SYCP1: variants seen among roughly 807,000 people sequenced by gnomAD.
SYCP1 encodes synaptonemal complex protein 1.
In SYCP1, 64 loss-of-function variants were observed where a neutral mutation model predicts 153.1. That is an observed-to-expected ratio of 0.42 (90% CI 0.34 to 0.51). The LOEUF (loss-of-function observed/expected upper bound fraction) is 0.51, where lower values mean the gene tolerates loss of function less well. Ranked by LOEUF, SYCP1 falls within the 20% of genes least tolerant of loss-of-function variation. The probability of loss-of-function intolerance (pLI) is 0.06; values close to 1 mark genes in which losing one functional copy is unlikely to be tolerated. For missense variants in SYCP1, 997 were observed against 1,049.0 expected (o/e 0.95, Z 0.68); for synonymous variants, 384 against 341.8 (o/e 1.12, Z -1.36).
At chr1:114,977,758 T>A in intron 28 of SYCP1, 142 bp downstream of exon 28, 1 of 557,902 alleles carries the variant, frequency 1.8e-6, no homozygotes, top group South Asian at 3.2e-5. Context: ...TTCTTGCTAT[T>A]TATTAATTCA....
Position 114,885,528 on chromosome 1 carries a change from C to G in SYCP1, c.911-7C>G. The stretch of plus-strand genomic sequence containing the variant: ...AAGTACTATCTATTTATAACTTTCT[C>G]TTTTAGAATTACAGAGTGAAAACTT... On this transcript the variant is annotated splice_polypyrimidine_tract_variant and splice_region_variant and intron_variant, in intron 12 of 31. Coordinates refer to ENST00000369522, the MANE Select transcript of SYCP1 (RefSeq NM_003176.4). The G allele has an allele frequency of 6.7e-7, 1 of 1,499,770 alleles. No homozygotes were observed. Among genetic ancestry groups the G allele is most frequent in the Non-Finnish European group, 9.2e-7 (1 of 1,092,364 alleles). The allele number at this position is 1,499,770 out of a possible 1,614,324, so 92.9% of individuals were successfully genotyped here.
intron 27 of SYCP1, among the ~76,000 whole-genome samples, chr1:114,948,491 T>C (rs1247219922): frequency 1.3e-5 from 2 of 152,226 alleles, no homozygotes; most frequent in Non-Finnish European, 2.9e-5. Context: ...TTCAAGCCTC[T>C]GAGAATTTGT....
chr1:114,910,523 T>G, intron 17 of SYCP1, 22 bp downstream of exon 17: 4 of 1,399,450 alleles, frequency 2.9e-6, no homozygotes, highest in Admixed American at 4.8e-5. Context: ...GAAACATTTT[T>G]ATTTTAAATA....
intron 23 of SYCP1, among the ~76,000 whole-genome samples, chr1:114,938,707 T>C (rs1670191358): frequency 6.6e-6 from 1 of 152,056 alleles, no homozygotes; most frequent in African/African-American, 2.4e-5. Flanking sequence ...GTAGGATTCA[T>C]CCATAAATTC....
intron 15 of SYCP1, 87 bp downstream of exon 15, chr1:114,887,780 C>A: frequency 1.2e-6 from 1 of 858,018 alleles, no homozygotes; most frequent in Non-Finnish European, 1.7e-6. Context: ...AATATAATTT[C>A]CCCTCTGTCA....
chr1:114,940,677 T>G (rs1670328708), intron 23 of SYCP1, among the ~76,000 whole-genome samples: 1 of 152,218 alleles, frequency 6.6e-6, no homozygotes, highest in African/African-American at 2.4e-5. Flanking sequence ...GATATTTGCC[T>G]GATGGCCCAA....
intron 16 of SYCP1, among the ~76,000 whole-genome samples, chr1:114,897,235 T>G (rs1430068078): frequency 6.6e-6 from 1 of 152,190 alleles, no homozygotes; most frequent in East Asian, 1.9e-4. Context: ...AAAACAGCAG[T>G]CAGATCTCCC....
chr1:114,872,406 CAGAT>C (rs1176640794), intron 8 of SYCP1, among the ~76,000 whole-genome samples: 1 of 152,134 alleles, frequency 6.6e-6, no homozygotes, highest in African/African-American at 2.4e-5. Flanking sequence ...GAGGAGGAGT[CAGAT>C]AGAATCTTTC....
chr1:114,920,384 G>A (rs951251447), intron 20 of SYCP1, among the ~76,000 whole-genome samples: 1 of 152,076 alleles, frequency 6.6e-6, no homozygotes, highest in African/African-American at 2.4e-5. Flanking sequence ...TTTAAGACTT[G>A]TTTTGTGGCT....
chr1:114,967,243 C>T (rs1252247587), intron 27 of SYCP1, among the ~76,000 whole-genome samples: 2 of 152,130 alleles, frequency 1.3e-5, no homozygotes, highest in Admixed American at 1.3e-4. Flanking sequence ...AATTTTCTGT[C>T]TCATTCTTCT....
At chr1:114,909,287 G>C (rs998553647) in intron 16 of SYCP1, among the ~76,000 whole-genome samples, 2 of 151,920 alleles carry the variant, frequency 1.3e-5, no homozygotes, top group African/African-American at 4.8e-5. Flanking sequence ...GGTTTCTATT[G>C]TAGTTTTAGC....
In SYCP1 at chr1:114,995,002, G is replaced by C; in HGVS notation, c.2914G>C (p.Glu972Gln). Residue 972 changes from glutamate to glutamine, a missense_variant, in exon 32 of 32, where the codon GAA (glutamate) becomes CAA (glutamine). By Grantham distance (29) the Glu-to-Gln change is conservative. Around this residue, in one of 2 missense-constraint regions of SYCP1, gnomAD observed 712 missense variants for 682.9 expected, o/e 1.04. Transcript: ENST00000369522. ...MDRKKKLKEA[E>Q]KLFV ...TAGAAAAAAAAAACTAAAAGAAGCTGAAAAGTTATTTGTTTAATTTCAGAG... is the reference window on the plus strand; with the variant it reads ...TAGAAAAAAAAAACTAAAAGAAGCTCAAAAGTTATTTGTTTAATTTCAGAG... The C allele has an allele frequency of 6.3e-7, 1 of 1,599,254 alleles. No individual in the cohort carries two copies. Among genetic ancestry groups the C allele is most frequent in the South Asian group, 1.1e-5 (1 of 88,808 alleles).
chr1:114,856,563 G>C lies in SYCP1; in HGVS notation c.109-10G>C. Reference sequence around the variant, plus strand: ...AAACAGAATATTTAAGAACTTCTTTGTGTCTCTAGAGTTTCAACAAATGTA... The same window carrying C: ...AAACAGAATATTTAAGAACTTCTTTCTGTCTCTAGAGTTTCAACAAATGTA... On this transcript the variant is annotated splice_polypyrimidine_tract_variant and intron_variant, in intron 2 of 31. Transcript: ENST00000369522. 6.3e-7 allele frequency: 1 copy of C among 1,599,640 alleles called. No individual in the cohort carries two copies. Among genetic ancestry groups the C allele is most frequent in the Non-Finnish European group, 8.5e-7 (1 of 1,170,782 alleles).
intron 15 of SYCP1, among the ~76,000 whole-genome samples, chr1:114,894,391 C>A (rs1404536549): frequency 6.6e-6 from 1 of 152,102 alleles, no homozygotes; most frequent in Non-Finnish European, 1.5e-5. Context: ...ATATTTCAGA[C>A]ACAATAAATT....
At chr1:114,855,303 C>T (rs895024626) in intron 1 of SYCP1, 138 bp from the exon 2 acceptor site, 2 of 461,272 alleles carry the variant, frequency 4.3e-6, no homozygotes, top group Non-Finnish European at 7.7e-6. Flanking sequence ...TGTAGGGCTC[C>T]ACTGTAGCGA....
intron 25 of SYCP1, 70 bp downstream of exon 25, chr1:114,945,052 T>A: frequency 8.2e-6 from 9 of 1,095,408 alleles, no homozygotes; most frequent in Non-Finnish European, 9.1e-6. Context: ...AATGGTGAAA[T>A]CAAGATAGTA....
chr1:114,874,874 C>T (rs191752911), intron 9 of SYCP1, among the ~76,000 whole-genome samples: 1 of 152,138 alleles, frequency 6.6e-6, no homozygotes, highest in Admixed American at 6.5e-5. Flanking sequence ...TCATCTGTGT[C>T]TGGCTTCTGT....
At chr1:114,919,334 T>C (rs1379199189) in intron 20 of SYCP1, among the ~76,000 whole-genome samples, 1 of 152,192 alleles carries the variant, frequency 6.6e-6, no homozygotes, top group Non-Finnish European at 1.5e-5. Context: ...TGATTATCCT[T>C]ACATTTGTGG....
intron 23 of SYCP1, among the ~76,000 whole-genome samples, chr1:114,928,721 T>C (rs138094727): frequency 1.1e-3 from 162 of 152,358 alleles, no homozygotes; most frequent in African/African-American, 2.9e-3. Flanking sequence ...ATAACTATTT[T>C]GTTGTAGCAT....
Sources: gnomAD v4.1 joint callset for allele counts (sites outside exome capture counted in the v4.1 genomes callset) on GRCh38, gnomAD v4.1.1 for gene constraint, gnomAD v4.1.1 regional missense constraint, MANE v1.5 for transcripts, NCBI Gene and HGNC (gene_info 2026-07-23, HGNC 2026-07-21) for gene names.